Variants in HSPB8 observed in about 807,000 individuals in gnomAD.
HSPB8 encodes heat shock protein family B (small) member 8.
In HSPB8, 9 loss-of-function variants were observed where a neutral mutation model predicts 16.5. The ratio of observed to expected loss-of-function variants is 0.55; its 90% CI spans 0.33 to 0.95. The LOEUF (loss-of-function observed/expected upper bound fraction) is 0.95, where lower values mean the gene tolerates loss of function less well. Among genes scored for constraint, HSPB8 ranks in the 40% least tolerant of loss-of-function variants. HSPB8 has a pLI of 0.03. For synonymous variants in HSPB8, 99 were observed against 94.8 expected (o/e 1.04, Z -0.26); for missense variants, 238 against 251.2 (o/e 0.95, Z 0.35).
rs1954687117 is a variant in HSPB8, at chr12:119,187,920, A to G, written c.431+832A>G. Among the ~76,000 whole-genome samples, 2 of 152,160 alleles carry G rather than the reference A, an allele frequency of 1.3e-5. 1 individual carries two copies. Among genetic ancestry groups the G allele is most frequent in the South Asian group, 4.1e-4 (2 of 4,822 alleles). On this transcript the variant is annotated intron_variant, in intron 2 of 2. Coordinates refer to ENST00000281938, the MANE Select transcript of HSPB8 (RefSeq NM_014365.3). ...AAGTGTCCTGAGAACACTGCATACT[A>G]CCCAGAGAGGTTTGGAGGCTGAGAC...
chr12:119,192,411 C>G (rs1485858165), intron 2 of HSPB8, among the ~76,000 whole-genome samples: 1 of 152,120 alleles, frequency 6.6e-6, no homozygotes, highest in Non-Finnish European at 1.5e-5. Context: ...TATCTCAGCA[C>G]TTTGGGAGGC....
At chr12:119,182,863 A>G (rs1329144626) in intron 1 of HSPB8, 3 of 152,034 alleles carry the variant, frequency 2.0e-5, no homozygotes, top group African/African-American at 7.2e-5. Flanking sequence ...GGCCCAGAGA[A>G]AGTAACTCAC....
Position 119,179,699 on chromosome 12 carries a change from G to C in HSPB8, c.367+20G>C. 2 of 1,556,454 alleles carry C rather than the reference G, an allele frequency of 1.3e-6. No homozygotes were observed. The highest frequency in any genetic ancestry group is 1.7e-6 in the Non-Finnish European group (2 of 1,155,902). On this transcript the variant is annotated intron_variant, in intron 1 of 2. Transcript: ENST00000281938. Reference sequence around the variant, plus strand: ...TGTCTGGTAAGTCAGGGGCAGGAGGGAGAGAGAATGGGGAGGCCGGGATGT... The same window carrying C: ...TGTCTGGTAAGTCAGGGGCAGGAGGCAGAGAGAATGGGGAGGCCGGGATGT...
intron 1 of HSPB8, among the ~76,000 whole-genome samples, chr12:119,180,198 A>G (rs1954628048): frequency 6.6e-6 from 1 of 152,194 alleles, no homozygotes; most frequent in Non-Finnish European, 1.5e-5. Context: ...TCTGAGTGCT[A>G]ACTATTCGCT....
At position 119,194,333 on chromosome 12, in the gene HSPB8, C is replaced by T; in HGVS notation, c.*475C>T. ...CCCCACTGTGCTTCCACATGCCTGG[C>T]CTAAAATGGGTGATATACAGGTCTT... On this transcript the variant is annotated 3_prime_UTR_variant, in exon 3 of 3. Transcript: ENST00000281938. The T allele has an allele frequency of 1.2e-5, 3 of 253,334 alleles. No homozygotes were observed. The highest frequency in any genetic ancestry group is 2.3e-5 in the Non-Finnish European group (3 of 129,922). 15.7% of individuals were successfully genotyped at this position (253,334 alleles called of 1,614,324 possible).
At chr12:119,185,769 C>T (rs1477282560) in intron 1 of HSPB8, among the ~76,000 whole-genome samples, 2 of 152,076 alleles carry the variant, frequency 1.3e-5, no homozygotes, top group East Asian at 1.9e-4. Flanking sequence ...CCACTATGCC[C>T]GGCCTATTTT....
At chr12:119,189,302 G>GGTGTGTGTGTGTGTGTGT (rs60310566) in intron 2 of HSPB8, among the ~76,000 whole-genome samples, 1 of 143,304 alleles carries the variant, frequency 7.0e-6, no homozygotes, top group Non-Finnish European at 1.5e-5. Flanking sequence ...TCTTAAAAGG[G>GGTGTGTGTGTGTGTGTGT]GTGTGTGTGT....
At chr12:119,183,102 G>A (rs1039309276) in intron 1 of HSPB8, 2 of 152,234 alleles carry the variant, frequency 1.3e-5, no homozygotes, top group African/African-American at 2.4e-5. Context: ...GAGCAGGAGA[G>A]TTCAAGGTCT....
At chr12:119,184,543 C>G (rs946489681) in intron 1 of HSPB8, among the ~76,000 whole-genome samples, 4 of 152,186 alleles carry the variant, frequency 2.6e-5, no homozygotes, top group African/African-American at 9.7e-5. Flanking sequence ...GTGCTAGAGC[C>G]AGGCAGTTGG....
Position 119,179,401 on chromosome 12 carries a change from T to A in HSPB8, c.89T>A (p.Leu30Gln), listed in dbSNP as rs1388785923. ...CGGGACTCTCCCCTCTCCTCTCGCC[T>A]GCTGGATGATGGCTTTGGCATGGAC... is the stretch of plus-strand genomic sequence containing the variant. ...PFRDSPLSSRLLDDGFGMDPF... is the reference protein window; with the variant it reads ...PFRDSPLSSRQLDDGFGMDPF... The change falls in exon 1 of 3, where the codon CTG becomes CAG. Residue 30 changes from leucine to glutamine, a missense_variant. Physicochemically the swap from Leu to Gln is moderately radical, Grantham distance 113 (BLOSUM62 -2). Transcript: ENST00000281938. The A allele has an allele frequency of 6.2e-7, 1 of 1,614,124 alleles. No individual in the cohort carries two copies. The highest frequency in any genetic ancestry group is 8.5e-7 in the Non-Finnish European group (1 of 1,180,028).
At position 119,194,149 on chromosome 12, in the gene HSPB8, G is replaced by A. The variant is rs955285058; in HGVS notation, c.*291G>A. ...TTCTATAGTTGCAAAACACATAAAAGGGGACTTAACATTTCACGTTGTATC... is the reference window on the plus strand; with the variant it reads ...TTCTATAGTTGCAAAACACATAAAAAGGGACTTAACATTTCACGTTGTATC... On this transcript the variant is annotated 3_prime_UTR_variant, in exon 3 of 3. Transcript: ENST00000281938. The A allele has an allele frequency of 2.2e-6, 1 of 449,880 alleles. No homozygotes were observed. Among genetic ancestry groups the A allele is most frequent in the Non-Finnish European group, 4.1e-6 (1 of 243,526 alleles). The allele number at this position is 449,880 out of a possible 1,614,324, so 27.9% of individuals were successfully genotyped here. A position where few individuals can be genotyped will look rare whatever the true frequency, so the allele number is the denominator to read the frequency against.
intron 1 of HSPB8, among the ~76,000 whole-genome samples, chr12:119,182,646 A>T (rs1168623942): frequency 6.6e-6 from 1 of 152,018 alleles, no homozygotes; most frequent in Non-Finnish European, 1.5e-5. Context: ...CTCAAAAAAA[A>T]TAAAAAATAA....
intron 2 of HSPB8, among the ~76,000 whole-genome samples, chr12:119,191,599 G>GAAAGA (rs1954712563): frequency 2.8e-5 from 4 of 145,088 alleles, no homozygotes; most frequent in Admixed American, 6.8e-5. Flanking sequence ...AAGAAAGAAA[G>GAAAGA]AAAAAAAAAA....
intron 2 of HSPB8, among the ~76,000 whole-genome samples, chr12:119,190,890 G>A (rs1011342867): frequency 6.6e-6 from 1 of 152,234 alleles, no homozygotes; most frequent in Admixed American, 6.5e-5. Context: ...TCCTTCAGAT[G>A]TAAGTAGAAG....
At chr12:119,181,970 G>T (rs75265571) in intron 1 of HSPB8, 3,737 of 152,226 alleles carry the variant, frequency 0.025, 161 homozygotes, top group African/African-American at 0.085. Context: ...TTTAATTAGG[G>T]TCTTAGATGC....
At chr12:119,182,300 A>G (rs1954643292) in intron 1 of HSPB8, 1 of 152,176 alleles carries the variant, frequency 6.6e-6, no homozygotes. Context: ...GGGCTTTCAT[A>G]AAAGGGGTTT....
intron 2 of HSPB8, among the ~76,000 whole-genome samples, chr12:119,187,337 C>A (rs1345030843): frequency 1.3e-5 from 2 of 151,896 alleles, no homozygotes; most frequent in African/African-American, 4.8e-5. Context: ...TATTAAAAAC[C>A]CCATTTTATT....
At chr12:119,188,205 A>G (rs1418162826) in intron 2 of HSPB8, among the ~76,000 whole-genome samples, 1 of 147,356 alleles carries the variant, frequency 6.8e-6, no homozygotes, top group South Asian at 2.2e-4. Context: ...TCACTCCACT[A>G]TGTGCGTTTC....
chr12:119,194,241 T>C lies in HSPB8; in HGVS notation c.*383T>C. ...TCCCCCATCACCCAGGTTCCTACTC[T>C]GGGCTCCCGATTCCCATGGCTCCCA... On this transcript the variant is annotated 3_prime_UTR_variant, in exon 3 of 3. Transcript: ENST00000281938. The C allele has an allele frequency of 3.3e-6, 1 of 307,328 alleles. No individual in the cohort carries two copies. The highest frequency in any genetic ancestry group is 6.2e-6 in the Non-Finnish European group (1 of 160,030). 19.0% of individuals were successfully genotyped at this position (307,328 alleles called of 1,614,324 possible).
Sources: allele counts gnomAD v4.1 joint callset (sites outside exome capture counted in the v4.1 genomes callset), GRCh38; gene constraint gnomAD v4.1.1; transcripts MANE v1.5; gene names NCBI Gene and HGNC (gene_info 2026-07-23, HGNC 2026-07-21).